The following PUDP variants were observed in gnomAD, a reference collection of about 807,000 sequenced individuals.
PUDP encodes pseudouridine-5'-phosphatase.
A neutral mutation model predicts 9.4 loss-of-function variants in PUDP; 8 were observed. The ratio of observed to expected loss-of-function variants is 0.85; its 90% CI spans 0.50 to 1.53. PUDP has a LOEUF of 1.53. Ranked by LOEUF, PUDP falls within the 40% of genes most tolerant of loss-of-function variation. PUDP has a pLI of 0.00. For synonymous variants in PUDP, 99 were observed against 80.7 expected (o/e 1.23, Z -1.22); for missense variants, 188 against 189.7 (o/e 0.99, Z 0.05).
At chrX:7,098,195 T>C (rs957261654) in intron 2 of PUDP, among the ~76,000 whole-genome samples, 1 of 112,387 alleles carries the variant, frequency 8.9e-6, no homozygotes, top group Non-Finnish European at 1.9e-5. Flanking sequence ...TGTGCTGCTA[T>C]AACAAAATAT....
chrX:6,993,517 G>A, intron 1 of PUDP, among the ~76,000 whole-genome samples: 1 of 111,524 alleles, frequency 9.0e-6, no homozygotes, highest in Non-Finnish European at 1.9e-5. Context: ...CTGAAACAGA[G>A]GAAGTCCAGA....
intron 3 of PUDP, among the ~76,000 whole-genome samples, chrX:6,857,054 T>C (rs974242386): frequency 8.9e-6 from 1 of 112,840 alleles, no homozygotes; most frequent in African/African-American, 3.2e-5. Context: ...AGAATGTCCA[T>C]GTTCCATACC....
At chrX:6,890,022 A>C (rs773452548) in intron 3 of PUDP, among the ~76,000 whole-genome samples, 8 of 111,482 alleles carry the variant, frequency 7.2e-5, no homozygotes, top group Non-Finnish European at 1.9e-5. Context: ...GACAAGCACT[A>C]ACTAGGGTAG....
intron 3 of PUDP, among the ~76,000 whole-genome samples, chrX:6,818,539 C>A (rs992731629): frequency 1.2e-4 from 13 of 112,317 alleles, no homozygotes; most frequent in Non-Finnish European, 2.4e-4. Context: ...TTCATGTATT[C>A]AAAATGTACA....
chrX:6,933,606 C>T (rs1287773872), intron 3 of PUDP, among the ~76,000 whole-genome samples: 1 of 112,154 alleles, frequency 8.9e-6, no homozygotes, highest in Non-Finnish European at 1.9e-5. Flanking sequence ...CAGTTCCTCA[C>T]CAGCAATGGA....
At chrX:6,810,104 G>A (rs751975992) in intron 3 of PUDP, among the ~76,000 whole-genome samples, 176 of 109,470 alleles carry the variant, frequency 1.6e-3, no homozygotes, top group Middle Eastern at 9.3e-3. Context: ...AAAAAAATAT[G>A]AGGAGATCAG....
At chrX:6,970,538 A>G (rs1333332084) in intron 3 of PUDP, among the ~76,000 whole-genome samples, 1 of 111,444 alleles carries the variant, frequency 9.0e-6, no homozygotes, top group Non-Finnish European at 1.9e-5. Context: ...CTATTTGGCC[A>G]TAAGCATTGA....
chrX:7,008,019 A>G (rs1428317230), intron 1 of PUDP, among the ~76,000 whole-genome samples: 1 of 109,655 alleles, frequency 9.1e-6, no homozygotes, highest in Non-Finnish European at 1.9e-5. Context: ...GCTGGAGTGC[A>G]GTGGCGTGAT....
chrX:6,836,866 T>C (rs1236158955), intron 3 of PUDP, among the ~76,000 whole-genome samples: 1 of 112,186 alleles, frequency 8.9e-6, no homozygotes, highest in Non-Finnish European at 1.9e-5. Context: ...AATTCAACTG[T>C]GATTGGTCTC....
At chrX:6,882,655 A>G (rs1279631030) in intron 3 of PUDP, among the ~76,000 whole-genome samples, 2 of 111,894 alleles carry the variant, frequency 1.8e-5, no homozygotes, top group Non-Finnish European at 3.8e-5. Context: ...CAATAAAGAA[A>G]ATCCAACTGG....
At chrX:6,927,929 C>T (rs183502407) in intron 3 of PUDP, among the ~76,000 whole-genome samples, 205 of 106,521 alleles carry the variant, frequency 1.9e-3, no homozygotes, top group Middle Eastern at 9.4e-3. Flanking sequence ...CTTAGAGACA[C>T]TCATCATTCT....
chrX:6,713,243 A>T (rs1218800864), intron 1 of PUDP, among the ~76,000 whole-genome samples: 2 of 111,866 alleles, frequency 1.8e-5, no homozygotes, highest in Non-Finnish European at 3.8e-5. Flanking sequence ...TTTCCATTTG[A>T]AGCACAGTGT....
intron 3 of PUDP, among the ~76,000 whole-genome samples, chrX:6,750,709 C>G (rs12559211): frequency 8.9e-6 from 1 of 111,783 alleles, no homozygotes; most frequent in Admixed American, 9.5e-5. Context: ...ATCGGCTTCA[C>G]AAAAACACTT....
intron 1 of PUDP, among the ~76,000 whole-genome samples, chrX:7,119,459 A>G (rs1026596208): frequency 8.9e-5 from 10 of 112,762 alleles, no homozygotes; most frequent in African/African-American, 3.2e-4. Flanking sequence ...TTAAGCATAA[A>G]ATTAAGAGTC....
At chrX:6,749,314 A>C (rs941585849) in intron 3 of PUDP, among the ~76,000 whole-genome samples, 1 of 111,603 alleles carries the variant, frequency 9.0e-6, no homozygotes, top group Non-Finnish European at 1.9e-5. Context: ...GAGAGCAGTA[A>C]AGTCATGAAT....
chrX:7,000,312 T>C (rs2146809017), intron 1 of PUDP, among the ~76,000 whole-genome samples: 1 of 111,119 alleles, frequency 9.0e-6, no homozygotes, highest in East Asian at 2.8e-4. Flanking sequence ...ACAGATAAAC[T>C]AAAAAAACAA....
chrX:6,992,509 T>C (rs1944347574), intron 1 of PUDP, among the ~76,000 whole-genome samples: 1 of 108,761 alleles, frequency 9.2e-6, no homozygotes. Flanking sequence ...CCTGACCTCA[T>C]GATCCACCCG....
At chrX:6,969,456 A>G (rs543396704) in intron 3 of PUDP, among the ~76,000 whole-genome samples, 352 of 112,323 alleles carry the variant, frequency 3.1e-3, no homozygotes, top group African/African-American at 0.011. Flanking sequence ...TATGTTTTTC[A>G]GAACAGATCT....
intron 2 of PUDP, among the ~76,000 whole-genome samples, chrX:7,079,974 TAATA>T (rs776909854): frequency 2.7e-5 from 3 of 111,025 alleles, no homozygotes; most frequent in Non-Finnish European, 5.7e-5. Flanking sequence ...AGGAAGGAAA[TAATA>T]AACATGAGAG....
Sources: gnomAD v4.1 joint callset for allele counts (sites outside exome capture counted in the v4.1 genomes callset) on GRCh38, gnomAD v4.1.1 for gene constraint, MANE v1.5 for transcripts, NCBI Gene and HGNC (gene_info 2026-07-23, HGNC 2026-07-21) for gene names.